The following COL4A6 variants were observed in gnomAD, a reference collection of about 807,000 sequenced individuals.
COL4A6 encodes the protein collagen alpha-6(IV) chain.
In COL4A6, 59 loss-of-function variants were observed where a neutral mutation model predicts 126.7. The observed-to-expected ratio is 0.47, with a 90% CI of 0.38 to 0.58. The LOEUF (loss-of-function observed/expected upper bound fraction) is 0.58, where lower values mean the gene tolerates loss of function less well. Ranked by LOEUF, COL4A6 falls within the 20% of genes least tolerant of loss-of-function variation. COL4A6 has a pLI of 0.00. For missense variants in COL4A6, 1,285 were observed against 1,337.3 expected (o/e 0.96, Z 0.61); for synonymous variants, 547 against 496.6 (o/e 1.10, Z -1.35).
At chrX:108,195,893 T>C (rs182100699) in intron 14 of COL4A6, among the ~76,000 whole-genome samples, 2 of 112,070 alleles carry the variant, frequency 1.8e-5, no homozygotes, top group East Asian at 5.6e-4. Flanking sequence ...CTAAACTTCA[T>C]AGTCAACTTA....
intron 3 of COL4A6, among the ~76,000 whole-genome samples, chrX:108,233,099 A>G (rs1361031180): frequency 8.9e-6 from 1 of 112,266 alleles, no homozygotes; most frequent in Non-Finnish European, 1.9e-5. Flanking sequence ...TGTACGGTTT[A>G]TTTAAAAATA....
At chrX:108,223,821 G>C (rs1029735020) in intron 3 of COL4A6, among the ~76,000 whole-genome samples, 1 of 110,918 alleles carries the variant, frequency 9.0e-6, no homozygotes, top group Non-Finnish European at 1.9e-5. Flanking sequence ...TGAGGAGGAG[G>C]GAGCTGCTTG....
At chrX:108,198,276 G>T (rs2035283227) in intron 13 of COL4A6, among the ~76,000 whole-genome samples, 1 of 111,412 alleles carries the variant, frequency 9.0e-6, no homozygotes, top group African/African-American at 3.3e-5. Flanking sequence ...GTTGCAAAGG[G>T]TGAAGGAAAT....
At chrX:108,342,623 A>T (rs1457153176) in intron 2 of COL4A6, among the ~76,000 whole-genome samples, 1 of 111,854 alleles carries the variant, frequency 8.9e-6, no homozygotes, top group Admixed American at 9.5e-5. Context: ...AATTATGGGT[A>T]GACATCTTGC....
intron 3 of COL4A6, among the ~76,000 whole-genome samples, chrX:108,274,189 G>T (rs1353841552): frequency 9.0e-6 from 1 of 111,634 alleles, no homozygotes; most frequent in Non-Finnish European, 1.9e-5. Context: ...GTTAAGAGGA[G>T]GGAGCTTGCC....
intron 3 of COL4A6, among the ~76,000 whole-genome samples, chrX:108,235,781 A>G (rs541043423): frequency 7.2e-5 from 8 of 111,682 alleles, no homozygotes; most frequent in African/African-American, 2.6e-4. Context: ...TCTGGTTCTT[A>G]GAGAAAGCAG....
chrX:108,298,590 C>T (rs773660728), intron 3 of COL4A6, among the ~76,000 whole-genome samples: 2 of 111,180 alleles, frequency 1.8e-5, no homozygotes, highest in Non-Finnish European at 3.8e-5. Context: ...AAGGATCTTT[C>T]GGGGATGCTG....
rs1602742217 is a variant in COL4A6, at chrX:108,181,076, C to G, written c.1952-108G>C. ...ATTTAATAGGACAGCCAAGCTCTTCCCACTCAGCAGCTGGGAGCCCACACT... is the reference window on the plus strand; with the variant it reads ...ATTTAATAGGACAGCCAAGCTCTTCGCACTCAGCAGCTGGGAGCCCACACT... On this transcript the variant is annotated intron_variant, in intron 23 of 44. Coordinates refer to ENST00000334504, the MANE Select transcript of COL4A6 (RefSeq NM_033641.4). 7.4e-6 allele frequency: 5 copies of G among 672,262 alleles called. No homozygotes were observed. The East Asian group carries it at 1.8e-4, about 24-fold the overall frequency. 55.4% of individuals were successfully genotyped at this position (672,262 alleles called of 1,213,427 possible). A position where few individuals can be genotyped will look rare whatever the true frequency, so the allele number is the denominator to read the frequency against.
At chrX:108,371,013 C>T (rs2040311368) in intron 2 of COL4A6, among the ~76,000 whole-genome samples, 1 of 110,546 alleles carries the variant, frequency 9.0e-6, no homozygotes, top group Admixed American at 9.7e-5. Flanking sequence ...AATGTCACCT[C>T]TTCTGTGACA....
chrX:108,237,868 A>ATCTG (rs1349517345), intron 3 of COL4A6, among the ~76,000 whole-genome samples: 2 of 29,631 alleles, frequency 6.7e-5, no homozygotes, highest in African/African-American at 2.7e-4. Context: ...TCATCTATCT[A>ATCTG]TCTATCTATC....
intron 2 of COL4A6, among the ~76,000 whole-genome samples, chrX:108,426,065 A>C (rs1240030093): frequency 1.8e-5 from 2 of 111,560 alleles, no homozygotes; most frequent in South Asian, 7.6e-4. Context: ...ACTTAATCAT[A>C]TCTAAAAGAC....
intron 3 of COL4A6, among the ~76,000 whole-genome samples, chrX:108,300,106 A>T (rs1005775538): frequency 9.0e-6 from 1 of 110,926 alleles, no homozygotes; most frequent in African/African-American, 3.3e-5. Context: ...AGCATCTAAT[A>T]GTCCTACCTC....
intron 2 of COL4A6, among the ~76,000 whole-genome samples, chrX:108,314,418 T>A (rs1400241155): frequency 6.3e-5 from 7 of 111,932 alleles, no homozygotes; most frequent in Non-Finnish European, 1.9e-5. Flanking sequence ...AAGTTCTATA[T>A]TTTCCATGAC....
chrX:108,224,693 G>T (rs1025285882), intron 3 of COL4A6, among the ~76,000 whole-genome samples: 6 of 112,004 alleles, frequency 5.4e-5, no homozygotes, highest in Non-Finnish European at 1.1e-4. Flanking sequence ...TCTGCGGGTT[G>T]TTTTGTCATC....
In COL4A6 at chrX:108,170,009, A is replaced by G; in HGVS notation, c.3501T>C (p.Pro1167=). ...TCAGTCCATGTAAACCAGGAAATCC[A>G]GGGAAGCCTGAGGGGAGAGAATGTC... is the stretch of plus-strand genomic sequence containing the variant. ...SPGLIGPKGF[P]GFPGLHGLNG... is the part of the protein sequence containing the mutation. Residue 1167 remains proline, a synonymous_variant, in exon 36 of 45, where the codon CCT becomes CCC. Coordinates refer to ENST00000334504, the MANE Select transcript of COL4A6 (RefSeq NM_033641.4). 1.7e-6 allele frequency: 2 copies of G among 1,186,114 alleles called. No individual in the cohort carries two copies. Among genetic ancestry groups the G allele is most frequent in the Non-Finnish European group, 2.3e-6 (2 of 880,541 alleles).
Position 108,161,602 on chromosome X carries a change from A to AATT in COL4A6, c.4333+16_4333+17insAAT. The stretch of plus-strand genomic sequence containing the variant: ...CCATCCCCGCCCCGCCCGCCTCCTA[A>AATT]TGTGGCATCATCAGACCTTCAAATC... On this transcript the variant is annotated intron_variant, in intron 42 of 44. Coordinates refer to ENST00000334504, the MANE Select transcript of COL4A6 (RefSeq NM_033641.4). 4 of 907,797 alleles carry AATT rather than the reference A, an allele frequency of 4.4e-6. No homozygotes were observed. Among genetic ancestry groups the AATT allele is most frequent in the Non-Finnish European group, 6.0e-6 (4 of 664,876 alleles). 74.8% of individuals were successfully genotyped at this position (907,797 alleles called of 1,213,427 possible).
chrX:108,198,391 A>C (rs1481589307), intron 13 of COL4A6, among the ~76,000 whole-genome samples: 1 of 111,057 alleles, frequency 9.0e-6, no homozygotes, highest in Non-Finnish European at 1.9e-5. Context: ...TTGCTTTCTC[A>C]GAGGGCCTGA....
At chrX:108,211,597 T>C (rs1183634406) in intron 7 of COL4A6, 75 bp downstream of exon 7, 2 of 943,147 alleles carry the variant, frequency 2.1e-6, no homozygotes, top group Non-Finnish European at 3.0e-6. Context: ...TGGAAATGTT[T>C]TCACTGGAGG....
chrX:108,361,054 C>T (rs2040074934), intron 2 of COL4A6, among the ~76,000 whole-genome samples: 1 of 111,268 alleles, frequency 9.0e-6, no homozygotes, highest in Non-Finnish European at 1.9e-5. Context: ...CAGGATATTG[C>T]AAACATCGAT....
Sources: allele counts gnomAD v4.1 joint callset (sites outside exome capture counted in the v4.1 genomes callset), GRCh38; gene constraint gnomAD v4.1.1; transcripts MANE v1.5; gene names NCBI Gene and HGNC (gene_info 2026-07-23, HGNC 2026-07-21).